USP35: variants seen among roughly 807,000 people sequenced by gnomAD.
USP35 encodes ubiquitin carboxyl-terminal hydrolase 35.
Under a neutral mutation model 83.8 loss-of-function variants are expected in USP35, and 69 were observed. The ratio of observed to expected loss-of-function variants is 0.82; its 90% CI spans 0.68 to 1.01. The LOEUF is 1.01. USP35 is among the 50% of genes least tolerant of loss of function. The pLI, the probability that USP35 is intolerant of heterozygous loss-of-function variation, is 0.00. For synonymous variants in USP35, 714 were observed against 589.5 expected, an observed-to-expected ratio of 1.21 and a Z score of -3.06; for missense variants, 1,503 against 1,362.5, an observed-to-expected ratio of 1.10 and a Z score of -1.62.
Position 78,209,303 on chromosome 11 carries a change from GATGTGTGGGTGTTTGGTGTGTGC to G in USP35, c.1593-137_1593-115del. Reference sequence around the variant, plus strand: ...GCGTGCTGTTGTGAGCATGTACGTGGATGTGTGGGTGTTTGGTGTGTGCATGTGTGTTTGTGTGCGTCTCAATG... The same window carrying G: ...GCGTGCTGTTGTGAGCATGTACGTGGATGTGTGTTTGTGTGCGTCTCAATG... On this transcript the variant is annotated intron_variant, in intron 9 of 10. Transcript: ENST00000529308. 3.5e-6 allele frequency: 3 copies of G among 859,026 alleles called. No homozygotes were observed. The South Asian group carries it at 5.4e-5, about 16-fold the overall frequency. The allele number at this position is 859,026 out of a possible 1,614,324, so 53.2% of individuals were successfully genotyped here.
chr11:78,197,228 G>T (rs1484871352), intron 2 of USP35, among the ~76,000 whole-genome samples: 1 of 145,526 alleles, frequency 6.9e-6, no homozygotes, highest in Non-Finnish European at 1.5e-5. Flanking sequence ...AGGATTTGGG[G>T]CGGGGGAGGT....
rs1435510854 is a variant in USP35, at chr11:78,214,867, A to G, written c.*1054A>G. Among the ~76,000 whole-genome samples, 1 of 143,578 alleles carries G rather than the reference A, an allele frequency of 7.0e-6. No homozygotes were observed. The highest frequency in any genetic ancestry group is 1.5e-5 in the Non-Finnish European group (1 of 66,926). The allele number at this position is 143,578 out of a possible 152,430, so 94.2% of individuals were successfully genotyped here. A position where few individuals can be genotyped will look rare whatever the true frequency, so the allele number is the denominator to read the frequency against. On this transcript the variant is annotated 3_prime_UTR_variant, in exon 11 of 11. Coordinates refer to ENST00000529308, the MANE Select transcript of USP35 (RefSeq NM_020798.4). Reference sequence around the variant, plus strand: ...AATCTACTGAAGTGGGGTGTAAGTAAACGTGTGGACTGACTGACTTACTTA... The same window carrying G: ...AATCTACTGAAGTGGGGTGTAAGTAGACGTGTGGACTGACTGACTTACTTA...
At chr11:78,193,901 CCTTA>C (rs1489483798) in intron 1 of USP35, among the ~76,000 whole-genome samples, 1 of 152,170 alleles carries the variant, frequency 6.6e-6, no homozygotes. Context: ...CACGATCTTG[CCTTA>C]CTTCACCCTT....
At chr11:78,197,059 G>C in intron 2 of USP35, 141 bp downstream of exon 2, 1 of 1,346,262 alleles carries the variant, frequency 7.4e-7, no homozygotes, top group Non-Finnish European at 9.5e-7. Context: ...CAGGTGGAGG[G>C]CTGCAGCCTG....
intron 5 of USP35, 70 bp from the exon 6 acceptor site, chr11:78,200,580 G>A: frequency 1.3e-6 from 2 of 1,538,894 alleles, no homozygotes; most frequent in Non-Finnish European, 1.8e-6. Context: ...CGTGCTGTCA[G>A]CAGGGACCAC....
At chr11:78,232,557 A>T in the USP35 span, among the ~76,000 whole-genome samples, 1 of 152,230 alleles carries the variant, frequency 6.6e-6, no homozygotes, top group Admixed American at 6.5e-5. Flanking sequence ...ATAGTTACTT[A>T]TTTTAGCTCA....
At chr11:78,225,454 C>T in the USP35 span, among the ~76,000 whole-genome samples, 2 of 152,198 alleles carry the variant, frequency 1.3e-5, no homozygotes, top group East Asian at 3.8e-4. Flanking sequence ...ATCTATGCAC[C>T]TCTCCTTTGA....
downstream of USP35, chr11:78,219,553 G>A (rs1259423365): frequency 4.0e-6 from 3 of 741,180 alleles, no homozygotes; most frequent in Admixed American, 7.0e-5. Context: ...ACCAGCCTCA[G>A]GAGCCTGGCT....
the USP35 span, among the ~76,000 whole-genome samples, chr11:78,229,806 T>C: frequency 1.1e-4 from 16 of 152,330 alleles, no homozygotes; most frequent in Admixed American, 2.6e-4. Flanking sequence ...TAGTCAAGCA[T>C]TGGGCTTTGC....
the USP35 span, among the ~76,000 whole-genome samples, chr11:78,224,476 C>T: frequency 1.3e-5 from 2 of 152,160 alleles, no homozygotes; most frequent in Admixed American, 6.5e-5. Context: ...TAGGGGACCA[C>T]CAAGCTGCAG....
intron 1 of USP35, among the ~76,000 whole-genome samples, chr11:78,192,493 A>G (rs1450729865): frequency 6.6e-6 from 1 of 152,058 alleles, no homozygotes; most frequent in Non-Finnish European, 1.5e-5. Flanking sequence ...AGCCTCTAAA[A>G]CCCTTTTGTC....
At chr11:78,219,998 A>G (rs544701870), downstream of USP35, among the ~76,000 whole-genome samples, 2 of 152,242 alleles carry the variant, frequency 1.3e-5, no homozygotes, top group South Asian at 4.1e-4. Flanking sequence ...CAGTATCCTC[A>G]TTCCTGGATC....
In USP35 at chr11:78,213,756, A is replaced by G; in HGVS notation, c.3000A>G (p.Pro1000=). The change falls in exon 11 of 11, where the codon CCA becomes CCG. Residue 1000 remains proline (P), a synonymous_variant. Transcript: ENST00000529308. ...ACAAGGATGAGGATGAAGGCTCTCC[A>G]GGGGGCTGCAATCCTGCAGGTGGCA... The part of the protein sequence containing the change: ...DEDKDEDEGS[P]GGCNPAGGNG... The G allele has an allele frequency of 6.5e-7, 1 of 1,543,828 alleles. No homozygotes were observed. The highest frequency in any genetic ancestry group is 8.7e-7 in the Non-Finnish European group (1 of 1,154,272).
At chr11:78,216,215 A>C (rs1565411112), downstream of USP35, 6 of 152,360 alleles carry the variant, frequency 3.9e-5, no homozygotes. Context: ...CATCGTTCTC[A>C]CTTGACTTAA....
At chr11:78,199,779 A>G in intron 4 of USP35, 55 bp downstream of exon 4, 1 of 1,612,574 alleles carries the variant, frequency 6.2e-7, no homozygotes, top group East Asian at 2.2e-5. Context: ...GGCTCTTGCC[A>G]GGGGCGGTGC....
At chr11:78,233,246 G>C in the USP35 span, among the ~76,000 whole-genome samples, 2 of 152,096 alleles carry the variant, frequency 1.3e-5, no homozygotes, top group Non-Finnish European at 2.9e-5. Context: ...TGTTGCCCGG[G>C]CTGGTCTCAA....
At chr11:78,197,416 C>G (rs1469916427) in intron 2 of USP35, among the ~76,000 whole-genome samples, 1 of 152,122 alleles carries the variant, frequency 6.6e-6, no homozygotes, top group Non-Finnish European at 1.5e-5. Context: ...AACGTAAAAT[C>G]TTGATCCTCC....
At chr11:78,219,488 G>T, downstream of USP35, 2 of 1,397,964 alleles carry the variant, frequency 1.4e-6, no homozygotes, top group African/African-American at 1.4e-5. Context: ...AGGTGGGCAC[G>T]GGATCTTCCT....
chr11:78,200,006 C>T, intron 4 of USP35, 127 bp from the exon 5 acceptor site: 2 of 1,055,420 alleles, frequency 1.9e-6, no homozygotes, highest in Non-Finnish European at 1.4e-6. Context: ...TCTGTGAGCA[C>T]CTCAGTGTTG....
Sources: allele counts gnomAD v4.1 joint callset (sites outside exome capture counted in the v4.1 genomes callset), GRCh38; gene constraint gnomAD v4.1.1; transcripts MANE v1.5; gene names NCBI Gene and HGNC (gene_info 2026-07-23, HGNC 2026-07-21).